Variants in PIEZO2 observed in about 807,000 individuals in gnomAD.
The protein encoded by PIEZO2 is piezo-type mechanosensitive ion channel component 2.
PIEZO2 carries 172 observed loss-of-function variants against 337.3 expected under a neutral mutation model. That is an observed-to-expected ratio of 0.51 (90% CI 0.45 to 0.58). The LOEUF is 0.58. Ranked by LOEUF, PIEZO2 falls within the 20% of genes least tolerant of loss-of-function variation. The pLI is 0.00. For synonymous variants in PIEZO2, 1,251 were observed against 1,228.5 expected (o/e 1.02, Z -0.38); for missense variants, 3,028 against 3,391.3 (o/e 0.89, Z 2.66).
intron 7 of PIEZO2, among the ~76,000 whole-genome samples, chr18:10,816,799 G>T (rs2040377420): frequency 6.6e-6 from 1 of 152,158 alleles, no homozygotes; most frequent in Non-Finnish European, 1.5e-5. Flanking sequence ...TCCAGATGTG[G>T]TAACTGCTGG....
intron 2 of PIEZO2, among the ~76,000 whole-genome samples, chr18:10,994,099 T>C (rs1371706396): frequency 6.6e-6 from 1 of 152,216 alleles, no homozygotes; most frequent in Non-Finnish European, 1.5e-5. Context: ...AGTGAGAGCA[T>C]GCGATATTTG....
At chr18:10,714,174 G>A (rs772310381) in intron 39 of PIEZO2, among the ~76,000 whole-genome samples, 2 of 152,148 alleles carry the variant, frequency 1.3e-5, no homozygotes, top group Admixed American at 6.6e-5. Flanking sequence ...ATCTCGTAGG[G>A]TCTTAGAGGA....
rs534691665 is a variant in PIEZO2 at position 11,078,038 on chromosome 18, ACACACACC to A, written c.65-11824_65-11817del. Among the ~76,000 whole-genome samples, 14,515 of 112,822 alleles carry A rather than the reference ACACACACC, an allele frequency of 0.13. 688 individuals are homozygous for A. Among genetic ancestry groups the A allele is most frequent in the African/African-American group, 0.21 (4,795 of 22,718 alleles). The allele number at this position is 112,822 out of a possible 152,430, so 74.0% of individuals were successfully genotyped here. A position where few individuals can be genotyped will look rare whatever the true frequency, so the allele number is the denominator to read the frequency against. The stretch of plus-strand genomic sequence containing the variant: ...AACACATGTGCGTGCACACACACCC[ACACACACC>A]CACACACACACACACACACACCACA... On this transcript the variant is annotated intron_variant, in intron 1 of 55. Coordinates refer to ENST00000674853, the MANE Select transcript of PIEZO2 (RefSeq NM_001378183.1). The surrounding 1 kb of genome is among the most constrained non-coding windows in gnomAD (Gnocchi z 5.3).
intron 3 of PIEZO2, among the ~76,000 whole-genome samples, chr18:10,966,618 T>A (rs182958965): frequency 1.3e-5 from 2 of 152,110 alleles, no homozygotes; most frequent in Non-Finnish European, 2.9e-5. Context: ...TAATTTAATT[T>A]TAATTATTTT....
rs1485525813 is a variant in PIEZO2 at position 10,673,293 on chromosome 18, G to T, written c.8162-420C>A. On this transcript the variant is annotated intron_variant, in intron 54 of 55. Coordinates refer to ENST00000674853, the MANE Select transcript of PIEZO2 (RefSeq NM_001378183.1). The surrounding 1 kb of genome is among the most constrained non-coding windows in gnomAD (Gnocchi z 4.8). ...GAAGGCACTCAATTAGGTGCTAAAGGGTTCCAAAATTGCATATAACATTGT... is the reference window on the plus strand; with the variant it reads ...GAAGGCACTCAATTAGGTGCTAAAGTGTTCCAAAATTGCATATAACATTGT... 2.6e-5 allele frequency among the ~76,000 whole-genome samples: 4 copies of T among 152,156 alleles called. No homozygotes were observed. Among genetic ancestry groups the T allele is most frequent in the Non-Finnish European group, 5.9e-5 (4 of 68,030 alleles).
At chr18:10,886,501 C>CTATGTATATATATATATATATATAT (rs1568165954) in intron 4 of PIEZO2, among the ~76,000 whole-genome samples, 2 of 11,826 alleles carry the variant, frequency 1.7e-4, no homozygotes, top group African/African-American at 4.2e-4. Flanking sequence ...TATATATACG[C>CTATGTATATATATATATATATATAT]ATATACACAT....
chr18:10,788,971 A>T, intron 15 of PIEZO2, 108 bp downstream of exon 15: 1 of 1,234,636 alleles, frequency 8.1e-7, no homozygotes, highest in Non-Finnish European at 1.1e-6. Context: ...CTTGCCAATC[A>T]CTTTATCCAT....
intron 53 of PIEZO2, 121 bp from the exon 54 acceptor site, chr18:10,675,409 G>C: frequency 5.5e-6 from 3 of 540,678 alleles, no homozygotes; most frequent in Non-Finnish European, 9.5e-6. Context: ...TCATATATCT[G>C]TACAATGTGT....
chr18:10,969,181 C>T lies in PIEZO2; in HGVS notation c.286+10354G>A, dbSNP rs1028149292. Among the ~76,000 whole-genome samples, 4 of 152,092 alleles carry T rather than the reference C, an allele frequency of 2.6e-5. No homozygotes were observed. Among genetic ancestry groups the T allele is most frequent in the Non-Finnish European group, 5.9e-5 (4 of 68,000 alleles). On this transcript the variant is annotated intron_variant, in intron 3 of 55. Transcript: ENST00000674853. This position sits in a 1 kb window ranked among gnomAD's most constrained non-coding sequence, Gnocchi z 4.5. Reference sequence around the variant, plus strand: ...CATACAGTTATAGCTTTACATTGTTCGTCTATAATTTTGAGGTTGAGTTTA... The same window carrying T: ...CATACAGTTATAGCTTTACATTGTTTGTCTATAATTTTGAGGTTGAGTTTA...
At chr18:11,061,814 G>A (rs867350674) in intron 2 of PIEZO2, among the ~76,000 whole-genome samples, 7 of 152,118 alleles carry the variant, frequency 4.6e-5, no homozygotes, top group South Asian at 2.1e-4. Flanking sequence ...AATCAATATC[G>A]TGAAAATGGC....
At position 11,116,215 on chromosome 18, in the gene PIEZO2, T is replaced by C. The variant is rs2039882706; in HGVS notation, c.64+32310A>G. On this transcript the variant is annotated intron_variant, in intron 1 of 55. Coordinates refer to ENST00000674853, the MANE Select transcript of PIEZO2 (RefSeq NM_001378183.1). The surrounding 1 kb of genome is among the most constrained non-coding windows in gnomAD (Gnocchi z 5.0). ...CAGTGCTCAGATTATGCCCACTGCC[T>C]TCAATATCCAGCTTTACAAATCCTA... Among the ~76,000 whole-genome samples, 1 of 152,210 alleles carries C rather than the reference T, an allele frequency of 6.6e-6. No individual in the cohort carries two copies. Among genetic ancestry groups the C allele is most frequent in the Non-Finnish European group, 1.5e-5 (1 of 68,038 alleles).
rs752844450 is a variant in PIEZO2 at position 10,708,629 on chromosome 18, C to T, written c.5424-190G>A. ...CCTGTGTGCAGGACCTTGAAACACA[C>T]GAGTACTGGATTTTAAAAAACATAT... On this transcript the variant is annotated intron_variant, in intron 39 of 55. Transcript: ENST00000674853. Among the ~76,000 whole-genome samples, 17 of 152,198 alleles carry T rather than the reference C, an allele frequency of 1.1e-4. 1 individual carries two copies. Among genetic ancestry groups the T allele is most frequent in the South Asian group, 8.3e-4 (4 of 4,814 alleles).
intron 43 of PIEZO2, 136 bp from the exon 44 acceptor site, chr18:10,699,313 C>T (rs1201918758): frequency 1.7e-6 from 2 of 1,198,854 alleles, no homozygotes; most frequent in Admixed American, 2.7e-5. Context: ...GCTGTGTCCC[C>T]ATATCTCATC....
chr18:10,700,803 C>T (rs2035299106), intron 43 of PIEZO2, among the ~76,000 whole-genome samples: 1 of 152,164 alleles, frequency 6.6e-6, no homozygotes, highest in Non-Finnish European at 1.5e-5. Flanking sequence ...ACATATCCAA[C>T]AGAAGAACTG....
At chr18:10,936,557 G>T (rs1035615023) in intron 3 of PIEZO2, among the ~76,000 whole-genome samples, 2 of 152,106 alleles carry the variant, frequency 1.3e-5, no homozygotes, top group Non-Finnish European at 2.9e-5. Flanking sequence ...TTGCTGATGT[G>T]CTAGTTGGCT....
chr18:11,090,126 A>G (rs1164322979), intron 1 of PIEZO2, among the ~76,000 whole-genome samples: 1 of 152,168 alleles, frequency 6.6e-6, no homozygotes, highest in Non-Finnish European at 1.5e-5. Flanking sequence ...AGCTCAGCGC[A>G]AGGTTCCTCT....
intron 45 of PIEZO2, 134 bp from the exon 46 acceptor site, chr18:10,696,673 C>T: frequency 2.0e-6 from 2 of 1,014,660 alleles, no homozygotes; most frequent in Admixed American, 2.4e-5. Context: ...CTCTCTCTGC[C>T]TCAGGATAGT....
At chr18:10,683,005 G>C (rs769256272) in intron 49 of PIEZO2, among the ~76,000 whole-genome samples, 4 of 152,338 alleles carry the variant, frequency 2.6e-5, no homozygotes, top group Middle Eastern at 3.4e-3. Flanking sequence ...GTGGAAATTG[G>C]AGCTGTGCTG....
chr18:10,939,794 C>T (rs2032622661), intron 3 of PIEZO2, among the ~76,000 whole-genome samples: 1 of 152,080 alleles, frequency 6.6e-6, no homozygotes, highest in Non-Finnish European at 1.5e-5. Flanking sequence ...GGAGGGATAG[C>T]ATTAGGACAA....
Sources: allele counts gnomAD v4.1 joint callset (sites outside exome capture counted in the v4.1 genomes callset), GRCh38; gene constraint gnomAD v4.1.1; non-coding constraint Gnocchi (gnomAD v3.1); transcripts MANE v1.5; gene names NCBI Gene and HGNC (gene_info 2026-07-23, HGNC 2026-07-21).